The following GRID2 variants were observed in gnomAD, a reference collection of about 807,000 sequenced individuals.
The protein encoded by GRID2 is glutamate receptor ionotropic, delta-2.
Under a neutral mutation model 114.8 loss-of-function variants are expected in GRID2, and 33 were observed. That is an observed-to-expected ratio of 0.29 (90% CI 0.22 to 0.38). The LOEUF is 0.38. GRID2 is among the 10% of genes least tolerant of loss of function. The pLI is 1.00. For missense variants in GRID2, 1,184 were observed against 1,257.7 expected, an observed-to-expected ratio of 0.94 and a Z score of 0.89; for synonymous variants, 505 against 449.9, an observed-to-expected ratio of 1.12 and a Z score of -1.55.
chr4:93,188,276 G>A (rs1740631921), intron 4 of GRID2, among the ~76,000 whole-genome samples: 1 of 151,556 alleles, frequency 6.6e-6, no homozygotes, highest in Non-Finnish European at 1.5e-5. Flanking sequence ...TAAATTCTGT[G>A]CATCTACACC....
intron 14 of GRID2, among the ~76,000 whole-genome samples, chr4:93,720,839 G>A (rs1729303763): frequency 6.6e-6 from 1 of 152,020 alleles, no homozygotes; most frequent in African/African-American, 2.4e-5. Flanking sequence ...ACCTTCAATG[G>A]GTTTATAAAC....
intron 2 of GRID2, among the ~76,000 whole-genome samples, chr4:92,745,886 A>G (rs1737127592): frequency 6.6e-6 from 1 of 152,182 alleles, no homozygotes; most frequent in Non-Finnish European, 1.5e-5. Flanking sequence ...AAGCATGATC[A>G]GCATATAAAT....
chr4:93,701,579 C>T (rs1185037869), intron 14 of GRID2, among the ~76,000 whole-genome samples: 1 of 152,100 alleles, frequency 6.6e-6, no homozygotes, highest in African/African-American at 2.4e-5. Context: ...ATGATTATTA[C>T]AATTTACATT....
intron 1 of GRID2, among the ~76,000 whole-genome samples, chr4:92,521,803 G>A (rs112967093): frequency 0.011 from 1,652 of 152,020 alleles, 27 homozygotes; most frequent in African/African-American, 0.038. Flanking sequence ...CAGTACAAAT[G>A]GCTTAGTCTC....
chr4:93,442,063 T>C (rs769305946), intron 10 of GRID2, among the ~76,000 whole-genome samples: 2 of 152,042 alleles, frequency 1.3e-5, no homozygotes, highest in Non-Finnish European at 2.9e-5. Flanking sequence ...AAACTGTTTC[T>C]GGGAGCTAGT....
At chr4:93,381,987 C>T (rs1763897241) in intron 8 of GRID2, among the ~76,000 whole-genome samples, 1 of 152,020 alleles carries the variant, frequency 6.6e-6, no homozygotes, top group Non-Finnish European at 1.5e-5. Context: ...GCCTTAATGT[C>T]TCCCTTAGTT....
chr4:93,231,390 CAA>C (rs34267723), intron 7 of GRID2, among the ~76,000 whole-genome samples: 6 of 104,472 alleles, frequency 5.7e-5, no homozygotes, highest in Non-Finnish European at 3.8e-5. Context: ...CACCCCCTGC[CAA>C]AAAAAAAAAA....
chr4:93,463,228 G>T (rs1723920738), intron 11 of GRID2, among the ~76,000 whole-genome samples: 1 of 152,144 alleles, frequency 6.6e-6, no homozygotes, highest in Non-Finnish European at 1.5e-5. Context: ...CATGCTGAAA[G>T]TGAATGTTCA....
At chr4:92,354,659 A>C (rs1260446105) in intron 1 of GRID2, among the ~76,000 whole-genome samples, 1 of 151,996 alleles carries the variant, frequency 6.6e-6, no homozygotes. Flanking sequence ...TTGTGTCAGC[A>C]AGTCAATCAG....
At chr4:92,818,430 G>T (rs1741052007) in intron 2 of GRID2, among the ~76,000 whole-genome samples, 1 of 152,086 alleles carries the variant, frequency 6.6e-6, no homozygotes, top group Non-Finnish European at 1.5e-5. Context: ...TAATGATGGA[G>T]AATTTTGACA....
intron 8 of GRID2, among the ~76,000 whole-genome samples, chr4:93,286,708 T>G (rs915160955): frequency 6.7e-6 from 1 of 150,184 alleles, no homozygotes; most frequent in Non-Finnish European, 1.5e-5. Context: ...TGTGTGTGTG[T>G]GTGTGTGTGT....
intron 2 of GRID2, among the ~76,000 whole-genome samples, chr4:92,904,251 T>C (rs1309330947): frequency 6.0e-5 from 9 of 151,144 alleles, no homozygotes; most frequent in African/African-American, 2.2e-4. Flanking sequence ...CTCATAAAAG[T>C]TTAAGTTTCA....
chr4:92,944,983 A>G lies in GRID2; in HGVS notation c.245-140012A>G, dbSNP rs190684296. On this transcript the variant is annotated intron_variant, in intron 2 of 15. Coordinates refer to ENST00000282020, the MANE Select transcript of GRID2 (RefSeq NM_001510.4). Reference sequence around the variant, plus strand: ...ATTTGCCACTGTTTTCATGGATTATATGAAACCTGTGAATAATTGCTTTTG... The same window carrying G: ...ATTTGCCACTGTTTTCATGGATTATGTGAAACCTGTGAATAATTGCTTTTG... Among the ~76,000 whole-genome samples, 132 of 152,284 alleles carry G rather than the reference A, an allele frequency of 8.7e-4. 1 individual carries two copies. The highest frequency in any genetic ancestry group is 3.1e-3 in the African/African-American group (130 of 41,570).
intron 14 of GRID2, among the ~76,000 whole-genome samples, chr4:93,727,155 G>C (rs375921935): frequency 6.6e-6 from 1 of 152,054 alleles, no homozygotes; most frequent in East Asian, 1.9e-4. Context: ...TTTGAGATAC[G>C]TCCCATCAAT....
intron 2 of GRID2, among the ~76,000 whole-genome samples, chr4:93,045,084 T>C (rs977954): frequency 0.05 from 7,535 of 152,172 alleles, 298 homozygotes; most frequent in East Asian, 0.14. Context: ...CAGTGATATT[T>C]CTGGGATGCT....
chr4:93,258,521 G>C (rs1749876925), intron 8 of GRID2, among the ~76,000 whole-genome samples: 1 of 151,500 alleles, frequency 6.6e-6, no homozygotes, highest in African/African-American at 2.4e-5. Flanking sequence ...AAATGGAGGT[G>C]TTTTATATTA....
At chr4:92,825,844 CT>C (rs1390532754) in intron 2 of GRID2, among the ~76,000 whole-genome samples, 1 of 152,098 alleles carries the variant, frequency 6.6e-6, no homozygotes, top group African/African-American at 2.4e-5. Flanking sequence ...CTTAGCAACA[CT>C]GGGGAACTAC....
chr4:93,765,571 G>A (rs1041707786), intron 14 of GRID2, among the ~76,000 whole-genome samples: 1 of 147,366 alleles, frequency 6.8e-6, no homozygotes, highest in African/African-American at 2.5e-5. Flanking sequence ...TGGGTTTAAG[G>A]CTTTTAATTC....
chr4:92,843,156 C>T (rs547970786), intron 2 of GRID2, among the ~76,000 whole-genome samples: 7 of 151,878 alleles, frequency 4.6e-5, no homozygotes, highest in African/African-American at 1.2e-4. Context: ...GTGGGAGAAT[C>T]GCTTGAACCA....
Sources: gnomAD v4.1 joint callset for allele counts (sites outside exome capture counted in the v4.1 genomes callset) on GRCh38, gnomAD v4.1.1 for gene constraint, MANE v1.5 for transcripts, NCBI Gene and HGNC (gene_info 2026-07-23, HGNC 2026-07-21) for gene names.